TPD52L1: variants seen among roughly 807,000 people sequenced by gnomAD.
TPD52L1 encodes tumor protein D53.
TPD52L1 carries 18 observed loss-of-function variants against 28.7 expected under a neutral mutation model. The observed-to-expected ratio is 0.63, with a 90% CI of 0.43 to 0.93. TPD52L1 has a LOEUF of 0.93. Ranked by LOEUF, TPD52L1 falls within the 40% of genes least tolerant of loss-of-function variation. The pLI, the probability that TPD52L1 is intolerant of heterozygous loss-of-function variation, is 0.00. For missense variants in TPD52L1, 203 were observed against 254.8 expected, an observed-to-expected ratio of 0.80 and a Z score of 1.39; for synonymous variants, 75 against 88.8, an observed-to-expected ratio of 0.84 and a Z score of 0.88.
chr6:125,215,009 A>G (rs1410047031), intron 1 of TPD52L1, among the ~76,000 whole-genome samples: 1 of 152,206 alleles, frequency 6.6e-6, no homozygotes, highest in East Asian at 1.9e-4. Flanking sequence ...AGGGGGCCAC[A>G]GTTTGCACAT....
chr6:125,208,308 G>A lies in TPD52L1; in HGVS notation c.20-11770G>A, dbSNP rs115966867. ...TTACTAGGATTCAGCTGGGGATAAG[G>A]AGGAATAAACACAGTCATCTAAGAT... On this transcript the variant is annotated intron_variant, in intron 1 of 6. Coordinates refer to ENST00000534000, the MANE Select transcript of TPD52L1 (RefSeq NM_003287.4). 4.9e-3 allele frequency among the ~76,000 whole-genome samples: 752 copies of A among 152,320 alleles called. 5 individuals are homozygous for A. Among genetic ancestry groups the A allele is most frequent in the African/African-American group, 0.017 (706 of 41,574 alleles).
At chr6:125,204,027 A>T (rs553385925) in intron 1 of TPD52L1, among the ~76,000 whole-genome samples, 1 of 152,322 alleles carries the variant, frequency 6.6e-6, no homozygotes, top group East Asian at 1.9e-4. Context: ...CCAGATATAC[A>T]TCAGTTTTCA....
intron 1 of TPD52L1, among the ~76,000 whole-genome samples, chr6:125,181,662 T>G (rs1792205754): frequency 6.6e-6 from 1 of 152,256 alleles, no homozygotes; most frequent in Non-Finnish European, 1.5e-5. Flanking sequence ...AGGCCATGCA[T>G]AGATTCTGGG....
intron 1 of TPD52L1, among the ~76,000 whole-genome samples, chr6:125,185,961 T>C (rs1792589577): frequency 6.7e-6 from 1 of 148,456 alleles, no homozygotes; most frequent in Admixed American, 6.9e-5. Flanking sequence ...TGGCATGATC[T>C]CGGCTCACTG....
intron 1 of TPD52L1, among the ~76,000 whole-genome samples, chr6:125,170,206 G>A (rs73771241): frequency 0.048 from 7,323 of 151,964 alleles, 406 homozygotes; most frequent in East Asian, 0.33. Flanking sequence ...GTATTTGCAT[G>A]TCACTCACAG....
chr6:125,173,887 A>G (rs1355026928), intron 1 of TPD52L1, among the ~76,000 whole-genome samples: 1 of 152,170 alleles, frequency 6.6e-6, no homozygotes, highest in Non-Finnish European at 1.5e-5. Flanking sequence ...TACAGAAGGA[A>G]GTCAGGATGA....
chr6:125,177,318 C>T (rs1791884502), intron 1 of TPD52L1, among the ~76,000 whole-genome samples: 1 of 152,180 alleles, frequency 6.6e-6, no homozygotes, highest in Admixed American at 6.5e-5. Flanking sequence ...TCAGATCTCA[C>T]CCATATTGTT....
intron 1 of TPD52L1, chr6:125,154,437 C>T (rs911891379): frequency 1.0e-6 from 1 of 987,526 alleles, no homozygotes; most frequent in African/African-American, 1.7e-5. Flanking sequence ...GGGGGTGGCT[C>T]CGCAGCCCGG....
chr6:125,257,103 C>A lies in TPD52L1; in HGVS notation c.431C>A (p.Ser144Tyr). ...HSISMPAMRN[S>Y]PTFKSFEERV... ...CTCTCTTTTTGTTATTTTAGGAATT[C>A]TCCTACTTTCAAATCATTTGAGGAG... is the stretch of plus-strand genomic sequence containing the variant. Residue 144 changes from serine to tyrosine, a missense_variant, in exon 6 of 7, where the codon TCT (serine) becomes TAT (tyrosine). Transcript: ENST00000534000. The A allele has an allele frequency of 6.2e-7, 1 of 1,611,148 alleles. No individual in the cohort carries two copies. Among genetic ancestry groups the A allele is most frequent in the South Asian group, 1.1e-5 (1 of 90,656 alleles).
At chr6:125,201,962 A>G (rs1793822586) in intron 1 of TPD52L1, among the ~76,000 whole-genome samples, 1 of 152,202 alleles carries the variant, frequency 6.6e-6, no homozygotes. Context: ...GACATTGAAG[A>G]AATGTGAATG....
chr6:125,244,560 T>A (rs1216764619), intron 3 of TPD52L1, among the ~76,000 whole-genome samples: 1 of 152,190 alleles, frequency 6.6e-6, no homozygotes, highest in Admixed American at 6.5e-5. Context: ...GAAATGTTGA[T>A]GTTCCAAGTA....
chr6:125,253,820 A>G lies in TPD52L1; in HGVS notation c.425+65A>G, dbSNP rs113743516. The G allele has an allele frequency of 8.7e-5, 123 of 1,409,256 alleles. No individual in the cohort carries two copies. In the African/African-American group the frequency reaches 1.2e-3, roughly 14 times the overall value. 87.3% of individuals were successfully genotyped at this position (1,409,256 alleles called of 1,614,324 possible). On this transcript the variant is annotated intron_variant, in intron 5 of 6. Transcript: ENST00000534000. Reference sequence around the variant, plus strand: ...ATGTGTTTAAGGTGTTATTTTATTTATATTTACTTATGGGGTTCCTCTGCT... The same window carrying G: ...ATGTGTTTAAGGTGTTATTTTATTTGTATTTACTTATGGGGTTCCTCTGCT...
intron 3 of TPD52L1, among the ~76,000 whole-genome samples, chr6:125,243,454 G>C (rs1796738711): frequency 6.6e-6 from 1 of 151,638 alleles, no homozygotes; most frequent in Admixed American, 6.6e-5. Context: ...CTTAGGTTTG[G>C]CCATTTAACA....
intron 3 of TPD52L1, among the ~76,000 whole-genome samples, chr6:125,241,485 T>C (rs777613672): frequency 2.2e-4 from 33 of 152,072 alleles, no homozygotes; most frequent in Non-Finnish European, 3.4e-4. Context: ...TTATTACTGT[T>C]TCAATCTCGC....
rs536778870 is a variant in TPD52L1 at position 125,178,572 on chromosome 6, G to T, written c.19+24602G>T. Among the ~76,000 whole-genome samples, 8 of 152,196 alleles carry T rather than the reference G, an allele frequency of 5.3e-5. No homozygotes were observed. The South Asian group carries it at 1.7e-3, about 32-fold the overall frequency. On this transcript the variant is annotated intron_variant, in intron 1 of 6. Transcript: ENST00000534000. The stretch of plus-strand genomic sequence containing the variant: ...GGAAGTGGAGGTTGTGGTGAGCCAA[G>T]ATCACACCACTGCACTCCCGCCTGG...
chr6:125,154,109 C>T, intron 1 of TPD52L1, 139 bp downstream of exon 1: 1 of 1,430,482 alleles, frequency 7.0e-7, no homozygotes. Context: ...CCACCCGCGC[C>T]TTTGGTATAA....
intron 1 of TPD52L1, among the ~76,000 whole-genome samples, chr6:125,208,631 G>A (rs569951810): frequency 6.0e-4 from 91 of 152,206 alleles, no homozygotes; most frequent in Non-Finnish European, 9.6e-4. Flanking sequence ...CAGTAAGTAC[G>A]TTTGCCTTTA....
chr6:125,225,953 C>A (rs1461598094), intron 2 of TPD52L1, among the ~76,000 whole-genome samples: 1 of 152,098 alleles, frequency 6.6e-6, no homozygotes. Flanking sequence ...CTAGACCAAA[C>A]GATCGCAGTC....
intron 2 of TPD52L1, among the ~76,000 whole-genome samples, chr6:125,222,159 T>C (rs1479837292): frequency 2.0e-5 from 3 of 152,250 alleles, no homozygotes; most frequent in African/African-American, 7.2e-5. Flanking sequence ...AGTTCCCTGA[T>C]AGCACGTATG....
Sources: allele counts gnomAD v4.1 joint callset (sites outside exome capture counted in the v4.1 genomes callset), GRCh38; gene constraint gnomAD v4.1.1; transcripts MANE v1.5; gene names NCBI Gene and HGNC (gene_info 2026-07-23, HGNC 2026-07-21).